RHBDD1: variants seen among roughly 807,000 people sequenced by gnomAD.
RHBDD1 encodes the protein rhomboid-related protein 4.
In RHBDD1, 38 loss-of-function variants were observed where a neutral mutation model predicts 36.3. The observed-to-expected ratio is 1.05, with a 90% CI of 0.81 to 1.37. The LOEUF is 1.37. Ranked by LOEUF, RHBDD1 falls within the 40% of genes most tolerant of loss-of-function variation. The pLI, the probability that RHBDD1 is intolerant of heterozygous loss-of-function variation, is 0.00. For missense variants in RHBDD1, 393 were observed against 377.6 expected, an observed-to-expected ratio of 1.04 and a Z score of -0.34; for synonymous variants, 151 against 136.5, an observed-to-expected ratio of 1.11 and a Z score of -0.74.
intron 8 of RHBDD1, 151 bp from the exon 9 acceptor site, chr2:226,995,280 C>T: frequency 1.6e-6 from 1 of 640,402 alleles, no homozygotes; most frequent in Non-Finnish European, 2.8e-6. Flanking sequence ...TTAGTACTGA[C>T]AGCTGAAGTT....
chr2:226,922,333 G>A (rs553024594), intron 8 of RHBDD1, among the ~76,000 whole-genome samples: 1 of 147,330 alleles, frequency 6.8e-6, no homozygotes, highest in East Asian at 2.1e-4. Flanking sequence ...TCAGCCTCCC[G>A]AGTAGCTGGG....
chr2:226,980,039 C>T (rs1018206366), intron 8 of RHBDD1, among the ~76,000 whole-genome samples: 1 of 152,042 alleles, frequency 6.6e-6, no homozygotes, highest in African/African-American at 2.4e-5. Flanking sequence ...GTGTGACTAA[C>T]CAGAGGGATA....
chr2:226,958,693 A>G (rs1341871469), intron 8 of RHBDD1, among the ~76,000 whole-genome samples: 1 of 140,086 alleles, frequency 7.1e-6, no homozygotes, highest in African/African-American at 2.7e-5. Flanking sequence ...TTTAGGATGA[A>G]GGATTTTTCT....
In RHBDD1 at chr2:226,942,241, C is replaced by CTT. The variant is rs11449035; in HGVS notation, c.856+27904_856+27905dup. The stretch of plus-strand genomic sequence containing the variant: ...GAGTTAGATTGGCTGTCGTGATCAT[C>CTT]TTTTTTTTTTTTTTTGAGACAGAGT... On this transcript the variant is annotated intron_variant, in intron 8 of 8. Coordinates refer to ENST00000392062, the MANE Select transcript of RHBDD1 (RefSeq NM_001167608.3). Among the ~76,000 whole-genome samples, 275 of 142,254 alleles carry CTT rather than the reference C, an allele frequency of 1.9e-3. 1 individual carries two copies. The East Asian group carries it at 0.024, about 12-fold the overall frequency. The allele number at this position is 142,254 out of a possible 152,430, so 93.3% of individuals were successfully genotyped here. A position where few individuals can be genotyped will look rare whatever the true frequency, so the allele number is the denominator to read the frequency against.
chr2:226,911,885 C>T (rs556247604), intron 7 of RHBDD1, among the ~76,000 whole-genome samples: 4 of 152,120 alleles, frequency 2.6e-5, no homozygotes, highest in African/African-American at 9.6e-5. Flanking sequence ...TTTAGTAAAT[C>T]CTCATTAATA....
At chr2:226,921,071 C>T (rs1208948164) in intron 8 of RHBDD1, among the ~76,000 whole-genome samples, 4 of 152,074 alleles carry the variant, frequency 2.6e-5, no homozygotes, top group Non-Finnish European at 5.9e-5. Flanking sequence ...TGGGTTTCTT[C>T]ATGGTTTAAT....
intron 5 of RHBDD1, among the ~76,000 whole-genome samples, chr2:226,878,896 GA>G (rs1431619042): frequency 6.6e-6 from 1 of 152,116 alleles, no homozygotes; most frequent in Non-Finnish European, 1.5e-5. Flanking sequence ...AGAGTAGAGT[GA>G]AAAGAAGGGA....
At chr2:226,978,776 G>T (rs1955051006) in intron 8 of RHBDD1, among the ~76,000 whole-genome samples, 1 of 152,158 alleles carries the variant, frequency 6.6e-6, no homozygotes, top group African/African-American at 2.4e-5. Flanking sequence ...ACCCTCACTG[G>T]GGGTGATCAG....
At chr2:226,938,986 A>G (rs1950512398) in intron 8 of RHBDD1, among the ~76,000 whole-genome samples, 1 of 152,210 alleles carries the variant, frequency 6.6e-6, no homozygotes, top group Non-Finnish European at 1.5e-5. Context: ...TTGCAAATCA[A>G]TAAACATAAT....
intron 3 of RHBDD1, among the ~76,000 whole-genome samples, chr2:226,840,220 C>G (rs867246430): frequency 2.9e-4 from 44 of 152,062 alleles, no homozygotes; most frequent in Admixed American, 2.8e-3. Flanking sequence ...GGTGATATTT[C>G]AAAGCCCATA....
At chr2:226,981,569 T>TAC (rs3055611) in intron 8 of RHBDD1, among the ~76,000 whole-genome samples, 81,254 of 150,164 alleles carry the variant, frequency 0.54, 21,959 homozygotes, top group South Asian at 0.64. Flanking sequence ...TGCACACACA[T>TAC]ACACACACAC....
At chr2:226,967,334 A>G (rs907219714) in intron 8 of RHBDD1, among the ~76,000 whole-genome samples, 1 of 152,222 alleles carries the variant, frequency 6.6e-6, no homozygotes, top group Non-Finnish European at 1.5e-5. Flanking sequence ...TAAAGAGATT[A>G]TATAAATCAG....
intron 8 of RHBDD1, among the ~76,000 whole-genome samples, chr2:226,950,495 A>G (rs115049620): frequency 0.017 from 2,545 of 152,306 alleles, 64 homozygotes; most frequent in African/African-American, 0.058. Context: ...TAATGCCTCA[A>G]TGAACATGGG....
At chr2:226,815,804 T>C in the RHBDD1 span, among the ~76,000 whole-genome samples, 2 of 152,356 alleles carry the variant, frequency 1.3e-5, no homozygotes, top group East Asian at 3.9e-4. Flanking sequence ...AAATGGAAGA[T>C]GGAATTTTCC....
At chr2:226,850,999 A>G (rs1337135473) in intron 3 of RHBDD1, among the ~76,000 whole-genome samples, 1 of 152,162 alleles carries the variant, frequency 6.6e-6, no homozygotes, top group Non-Finnish European at 1.5e-5. Context: ...TGTTCAGGAA[A>G]TAAAACAACT....
chr2:226,954,379 G>A (rs74937266), intron 8 of RHBDD1, among the ~76,000 whole-genome samples: 2,546 of 152,018 alleles, frequency 0.017, 64 homozygotes, highest in African/African-American at 0.059. Context: ...ATGTGCTTAT[G>A]GATTTAAGAA....
At chr2:226,960,721 C>T (rs907414107) in intron 8 of RHBDD1, among the ~76,000 whole-genome samples, 10 of 152,124 alleles carry the variant, frequency 6.6e-5, no homozygotes, top group Non-Finnish European at 8.8e-5. Context: ...ATTGACATCT[C>T]GCTATATTCA....
At chr2:226,867,353 A>G in intron 5 of RHBDD1, 35 bp downstream of exon 5, 1 of 1,590,628 alleles carries the variant, frequency 6.3e-7, no homozygotes, top group Non-Finnish European at 8.5e-7. Context: ...CAGTTGAAGG[A>G]CCTGATGTTC....
At chr2:226,880,557 A>T (rs1373889496) in intron 5 of RHBDD1, among the ~76,000 whole-genome samples, 7 of 152,144 alleles carry the variant, frequency 4.6e-5, no homozygotes. Flanking sequence ...TCTTTGAGGG[A>T]ACGGAGGTGT....
Sources: allele counts gnomAD v4.1 joint callset (sites outside exome capture counted in the v4.1 genomes callset), GRCh38; gene constraint gnomAD v4.1.1; transcripts MANE v1.5; gene names NCBI Gene and HGNC (gene_info 2026-07-23, HGNC 2026-07-21).